Variants in DLG2 observed in about 807,000 individuals in gnomAD.
The protein encoded by DLG2 is discs large MAGUK scaffold protein 2, also known as disks large homolog 2.
A neutral mutation model predicts 132.5 loss-of-function variants in DLG2; 45 were observed. That is an observed-to-expected ratio of 0.34 (90% confidence interval 0.27 to 0.44). The LOEUF is 0.44. DLG2 is among the 20% of genes least tolerant of loss of function. The probability of loss-of-function intolerance (pLI) is 1.00; values close to 1 mark genes in which losing one functional copy is unlikely to be tolerated. For synonymous variants in DLG2, 424 were observed against 419.6 expected (o/e 1.01, Z -0.13); for missense variants, 1,045 against 1,196.9 (o/e 0.87, Z 1.87).
intron 6 of DLG2, among the ~76,000 whole-genome samples, chr11:84,974,032 C>G (rs959806248): frequency 2.0e-5 from 3 of 152,160 alleles, no homozygotes; most frequent in African/African-American, 7.2e-5. Context: ...TCCCATTTAT[C>G]ATCTGCATTA....
intron 7 of DLG2, among the ~76,000 whole-genome samples, chr11:84,352,527 C>T (rs1186178425): frequency 6.6e-6 from 1 of 152,094 alleles, no homozygotes. Flanking sequence ...AATTTTGTTT[C>T]CTGTATGTTT....
chr11:85,063,795 G>C (rs1011520975), intron 6 of DLG2, among the ~76,000 whole-genome samples: 2 of 151,742 alleles, frequency 1.3e-5, no homozygotes, highest in Non-Finnish European at 2.9e-5. Flanking sequence ...ATGATTTGTA[G>C]TACTTGTGGG....
At chr11:85,143,894 CATTCT>C (rs1232540176) in intron 5 of DLG2, among the ~76,000 whole-genome samples, 1 of 151,816 alleles carries the variant, frequency 6.6e-6, no homozygotes, top group Non-Finnish European at 1.5e-5. Context: ...AAAGAATGTG[CATTCT>C]GCAGCTTTTG....
At chr11:83,766,354 A>C (rs2094144450) in intron 18 of DLG2, among the ~76,000 whole-genome samples, 1 of 150,974 alleles carries the variant, frequency 6.6e-6, no homozygotes, top group African/African-American at 2.4e-5. Context: ...CAGCCTCCCA[A>C]AGTGCTGGGA....
At chr11:84,165,093 C>T (rs2154263899) in intron 8 of DLG2, among the ~76,000 whole-genome samples, 1 of 152,178 alleles carries the variant, frequency 6.6e-6, no homozygotes. Flanking sequence ...AGGAAGAGGA[C>T]AATAGGGGAA....
At chr11:84,032,944 C>G (rs1335518139) in intron 11 of DLG2, among the ~76,000 whole-genome samples, 1 of 152,136 alleles carries the variant, frequency 6.6e-6, no homozygotes, top group East Asian at 1.9e-4. Flanking sequence ...GCATGGTTTA[C>G]TGAATATTTT....
chr11:84,454,920 T>C (rs1465149847), intron 7 of DLG2, among the ~76,000 whole-genome samples: 2 of 151,556 alleles, frequency 1.3e-5, no homozygotes, highest in African/African-American at 4.8e-5. Flanking sequence ...GTGATGATTT[T>C]ACAGGTGTAG....
At chr11:83,507,761 TATATATATATATATATATATA>T (rs2094797224) in intron 21 of DLG2, among the ~76,000 whole-genome samples, 1 of 12,940 alleles carries the variant, frequency 7.7e-5, no homozygotes, top group African/African-American at 2.2e-4. Context: ...ATTTTTATTA[TATATATATATATATATATATA>T]TATATATATA....
chr11:85,519,744 A>T (rs894066517), intron 3 of DLG2, among the ~76,000 whole-genome samples: 2 of 152,098 alleles, frequency 1.3e-5, no homozygotes, highest in Non-Finnish European at 2.9e-5. Flanking sequence ...CTCATCTTGA[A>T]TTCCCACGTG....
intron 5 of DLG2, among the ~76,000 whole-genome samples, chr11:85,118,432 C>T (rs2073926351): frequency 6.6e-6 from 1 of 151,990 alleles, no homozygotes; most frequent in African/African-American, 2.4e-5. Flanking sequence ...ATTAAACACT[C>T]TACATTAAAA....
intron 3 of DLG2, among the ~76,000 whole-genome samples, chr11:85,291,957 C>A (rs1194299705): frequency 6.6e-6 from 1 of 152,136 alleles, no homozygotes; most frequent in African/African-American, 2.4e-5. Context: ...ACGCTTCCTC[C>A]AACATACCTT....
chr11:85,257,291 T>C (rs2076720192), intron 4 of DLG2, among the ~76,000 whole-genome samples: 1 of 152,244 alleles, frequency 6.6e-6, no homozygotes, highest in Non-Finnish European at 1.5e-5. Flanking sequence ...TGAGGGGTAA[T>C]ATTTCTTTGT....
rs114277332 is a variant in DLG2 at position 84,300,855 on chromosome 11, G to A, written c.520-49564C>T. Among the ~76,000 whole-genome samples the A allele has an allele frequency of 4.9e-3, 744 of 152,214 alleles. 5 individuals carry two copies. The highest frequency in any genetic ancestry group is 0.017 in the African/African-American group (702 of 41,524). On this transcript the variant is annotated intron_variant, in intron 7 of 27. Coordinates refer to ENST00000376104, the MANE Select transcript of DLG2 (RefSeq NM_001142699.3). ...GACATGTTCATACACTCTTCAAATG[G>A]GGGAATCATAAATTGGTAAAGCAAA...
At chr11:84,767,346 C>T (rs148025328) in intron 6 of DLG2, among the ~76,000 whole-genome samples, 7 of 152,008 alleles carry the variant, frequency 4.6e-5, no homozygotes, top group South Asian at 2.1e-4. Flanking sequence ...ATCAGACAGA[C>T]GCAGAAACAA....
At chr11:85,063,605 AG>A (rs1013886924) in intron 6 of DLG2, among the ~76,000 whole-genome samples, 1 of 151,898 alleles carries the variant, frequency 6.6e-6, no homozygotes, top group Admixed American at 6.6e-5. Context: ...ACAAAACAAA[AG>A]TTTTAAGTTA....
At chr11:85,320,325 C>T (rs887177133) in intron 3 of DLG2, among the ~76,000 whole-genome samples, 15 of 151,836 alleles carry the variant, frequency 9.9e-5, no homozygotes, top group Admixed American at 2.6e-4. Flanking sequence ...TCTAAATTTT[C>T]AGAGCATGTA....
chr11:83,794,437 G>T lies in DLG2; in HGVS notation c.1723-7645C>A, dbSNP rs113093085. Among the ~76,000 whole-genome samples the T allele has an allele frequency of 9.9e-3, 1,257 of 127,184 alleles. 38 individuals are homozygous for T. Among genetic ancestry groups the T allele is most frequent in the African/African-American group, 0.033 (1,169 of 35,082 alleles). The allele number at this position is 127,184 out of a possible 152,430, so 83.4% of individuals were successfully genotyped here. A position where few individuals can be genotyped will look rare whatever the true frequency, so the allele number is the denominator to read the frequency against. On this transcript the variant is annotated intron_variant, in intron 17 of 27. Transcript: ENST00000376104. ...ACACAGCCTCATATATTTACTATTG[G>T]TTTTTTTTTTTTTTTTTTTTTTTTT...
intron 7 of DLG2, among the ~76,000 whole-genome samples, chr11:84,275,954 T>C (rs2097779867): frequency 6.6e-6 from 1 of 152,128 alleles, no homozygotes; most frequent in African/African-American, 2.4e-5. Context: ...AAAGGAAAGG[T>C]ACAGCAAAGG....
At chr11:83,745,783 C>G (rs1593507260) in intron 18 of DLG2, among the ~76,000 whole-genome samples, 1 of 151,826 alleles carries the variant, frequency 6.6e-6, no homozygotes, top group Non-Finnish European at 1.5e-5. Context: ...GCCTGGGTGT[C>G]AGAGTGAGAC....
Sources: gnomAD v4.1 joint callset for allele counts (sites outside exome capture counted in the v4.1 genomes callset) on GRCh38, gnomAD v4.1.1 for gene constraint, MANE v1.5 for transcripts, NCBI Gene and HGNC (gene_info 2026-07-23, HGNC 2026-07-21) for gene names.